ZRANB1: variants seen among roughly 807,000 people sequenced by gnomAD.
ZRANB1 encodes the protein ubiquitin thioesterase ZRANB1.
A neutral mutation model predicts 80.5 loss-of-function variants in ZRANB1; 16 were observed. The ratio of observed to expected loss-of-function variants is 0.20; its 90% CI spans 0.13 to 0.30. The LOEUF (loss-of-function observed/expected upper bound fraction) is 0.30. ZRANB1 is among the 10% of genes least tolerant of loss of function. The probability of loss-of-function intolerance (pLI) is 1.00; values close to 1 mark genes in which losing one functional copy is unlikely to be tolerated. For missense variants in ZRANB1, 576 were observed against 862.6 expected (o/e 0.67, Z 4.16); for synonymous variants, 291 against 293.1 (o/e 0.99, Z 0.07).
the ZRANB1 span, among the ~76,000 whole-genome samples, chr10:124,924,197 G>A: frequency 3.3e-5 from 5 of 150,954 alleles, no homozygotes; most frequent in African/African-American, 7.3e-5. Context: ...ATGAGCCTCC[G>A]CACCTGGCCA....
In ZRANB1 at chr10:124,983,406, G is replaced by T; in HGVS notation, c.1679-53G>T. 1 of 1,591,224 alleles carries T rather than the reference G, an allele frequency of 6.3e-7. No individual in the cohort carries two copies. Among genetic ancestry groups the T allele is most frequent in the Non-Finnish European group, 8.6e-7 (1 of 1,165,292 alleles). On this transcript the variant is annotated intron_variant, in intron 7 of 8. Coordinates refer to ENST00000359653, the MANE Select transcript of ZRANB1 (RefSeq NM_017580.3). The surrounding 1 kb of genome is among the most constrained non-coding windows in gnomAD (Gnocchi z 6.2). ...GGGGAATGTGAACAAGGGCAGTGAG[G>T]GAGTGGCTCTTTCTTCCTGTGACTG...
At chr10:124,975,423 C>G (rs1240081695) in intron 5 of ZRANB1, among the ~76,000 whole-genome samples, 2 of 152,220 alleles carry the variant, frequency 1.3e-5, no homozygotes, top group Non-Finnish European at 2.9e-5. Flanking sequence ...CCCACATCCC[C>G]ATTCCTACAT....
chr10:124,973,221 C>T lies in ZRANB1; in HGVS notation c.1157-424C>T, dbSNP rs114958257. ...AGGCTGGAGTGCGGTGGCAGGATCA[C>T]GGCTCATTGCAGCCTTGGCCTCCCC... On this transcript the variant is annotated intron_variant, in intron 3 of 8. Transcript: ENST00000359653. 7.2e-3 allele frequency among the ~76,000 whole-genome samples: 1,090 copies of T among 152,242 alleles called. 17 individuals are homozygous for T. Among genetic ancestry groups the T allele is most frequent in the African/African-American group, 0.025 (1,031 of 41,526 alleles).
At chr10:124,935,414 A>G in the ZRANB1 span, among the ~76,000 whole-genome samples, 1 of 152,238 alleles carries the variant, frequency 6.6e-6, no homozygotes, top group Admixed American at 6.5e-5. Context: ...TTTGACTTCT[A>G]CTTCTTTGGC....
At chr10:124,954,212 A>G (rs1237086274) in intron 1 of ZRANB1, among the ~76,000 whole-genome samples, 2 of 124,578 alleles carry the variant, frequency 1.6e-5, no homozygotes, top group East Asian at 2.3e-4. Context: ...TCTCAAACTC[A>G]TGGGGTCAAG....
intron 5 of ZRANB1, among the ~76,000 whole-genome samples, chr10:124,976,235 G>A (rs1040352858): frequency 2.0e-5 from 3 of 152,172 alleles, no homozygotes; most frequent in Admixed American, 1.3e-4. Flanking sequence ...GGCTGGGTAA[G>A]CCTGATGCTG....
At chr10:124,918,654 G>T in the ZRANB1 span, among the ~76,000 whole-genome samples, 1 of 152,206 alleles carries the variant, frequency 6.6e-6, no homozygotes, top group African/African-American at 2.4e-5. Context: ...AAACCATAAG[G>T]AATTTTGATC....
intron 1 of ZRANB1, among the ~76,000 whole-genome samples, chr10:124,956,379 GA>G (rs1241268041): frequency 6.6e-6 from 1 of 152,096 alleles, no homozygotes; most frequent in Admixed American, 6.6e-5. Flanking sequence ...CAAATATAAA[GA>G]AATGCAATAG....
chr10:124,973,550 A>G (rs1951846291), intron 3 of ZRANB1, 95 bp from the exon 4 acceptor site: 2 of 1,069,688 alleles, frequency 1.9e-6, no homozygotes, highest in African/African-American at 3.2e-5. Flanking sequence ...TATTTTAGAG[A>G]AAGTTACTAG....
upstream of ZRANB1, among the ~76,000 whole-genome samples, chr10:124,939,874 T>C (rs564521053): frequency 1.3e-5 from 2 of 152,328 alleles, no homozygotes; most frequent in African/African-American, 4.8e-5. Flanking sequence ...TTCTCTGCTC[T>C]TCCACACATT....
intron 1 of ZRANB1, chr10:124,946,504 A>G (rs1002438182): frequency 6.6e-6 from 1 of 152,138 alleles, no homozygotes; most frequent in East Asian, 1.9e-4. Context: ...TTTTATTTAT[A>G]AAATGATTTG....
upstream of ZRANB1, among the ~76,000 whole-genome samples, chr10:124,937,762 C>T (rs1172853655): frequency 6.6e-6 from 1 of 152,138 alleles, no homozygotes; most frequent in South Asian, 2.1e-4. Context: ...GAATTTAGTA[C>T]TTGTCAATTT....
At chr10:124,920,744 C>G in the ZRANB1 span, among the ~76,000 whole-genome samples, 1 of 152,016 alleles carries the variant, frequency 6.6e-6, no homozygotes, top group African/African-American at 2.4e-5. Flanking sequence ...TTGCGTGAGA[C>G]TTTCTTTTCT....
rs182770078 is a variant in ZRANB1 at position 124,963,245 on chromosome 10, G to A, written c.815-3349G>A. Among the ~76,000 whole-genome samples, 383 of 126,808 alleles carry A rather than the reference G, an allele frequency of 3.0e-3. 1 individual carries two copies. Among genetic ancestry groups the A allele is most frequent in the African/African-American group, 0.011 (370 of 32,296 alleles). The allele number at this position is 126,808 out of a possible 152,430, so 83.2% of individuals were successfully genotyped here. ...CGCGTCACTGCATTCCAGCCTGGGTGACAGAGCAAGACTCTGTCTCAAAAA... is the reference window on the plus strand; with the variant it reads ...CGCGTCACTGCATTCCAGCCTGGGTAACAGAGCAAGACTCTGTCTCAAAAA... On this transcript the variant is annotated intron_variant, in intron 1 of 8. Transcript: ENST00000359653.
upstream of ZRANB1, among the ~76,000 whole-genome samples, chr10:124,941,103 T>G (rs191913195): frequency 6.6e-6 from 1 of 152,224 alleles, no homozygotes; most frequent in Non-Finnish European, 1.5e-5. Context: ...CTGCCTAGGA[T>G]TTCTTTCTCT....
At chr10:124,938,705 C>A (rs746865022), upstream of ZRANB1, among the ~76,000 whole-genome samples, 2 of 148,234 alleles carry the variant, frequency 1.3e-5, no homozygotes, top group African/African-American at 5.0e-5. Flanking sequence ...TACATCATTA[C>A]GTTTTTTTTT....
rs1178811848 is a variant in ZRANB1 at position 124,972,013 on chromosome 10, C to T, written c.1051C>T (p.Leu351=). The T allele has an allele frequency of 6.2e-7, 1 of 1,613,684 alleles. No individual in the cohort carries two copies. The highest frequency in any genetic ancestry group is 1.1e-5 in the South Asian group (1 of 90,978). ...TATTCCAGCAATGGTGTGTCCTGAA[C>T]TGACAGAACAAATCCGGAGAGAGAT... is the stretch of plus-strand genomic sequence containing the variant. ...KCIPAMVCPE[L]TEQIRREIAA... is the part of the protein sequence containing the mutation. Residue 351 remains leucine (L), a synonymous_variant, in exon 3 of 9, where the codon CTG becomes TTG. Transcript: ENST00000359653.
intron 1 of ZRANB1, among the ~76,000 whole-genome samples, chr10:124,948,532 A>G (rs773885304): frequency 9.3e-5 from 14 of 151,040 alleles, no homozygotes; most frequent in South Asian, 2.1e-4. Context: ...TTTTTCCTAT[A>G]AATAAGCCTC....
Position 124,966,785 on chromosome 10 carries a change from A to T in ZRANB1, c.1002+4A>T. 6.2e-7 allele frequency: 1 copy of T among 1,605,400 alleles called. No homozygotes were observed. The highest frequency in any genetic ancestry group is 8.5e-7 in the Non-Finnish European group (1 of 1,173,538). ...GCTAGCAATATTGCTTACAGAGGTA[A>T]GTTTGGCGTTTTGGTTAAATGTTCT... On this transcript the variant is annotated splice_donor_region_variant and intron_variant, in intron 2 of 8. Coordinates refer to ENST00000359653, the MANE Select transcript of ZRANB1 (RefSeq NM_017580.3).
Sources: gnomAD v4.1 joint callset for allele counts (sites outside exome capture counted in the v4.1 genomes callset) on GRCh38, gnomAD v4.1.1 for gene constraint, Gnocchi (gnomAD v3.1) non-coding constraint, MANE v1.5 for transcripts, NCBI Gene and HGNC (gene_info 2026-07-23, HGNC 2026-07-21) for gene names.